CFAP299: variants seen among roughly 807,000 people sequenced by gnomAD.
CFAP299 encodes the protein cilia and flagella associated protein 299, also known as cilia- and flagella-associated protein 299.
Under a neutral mutation model 27.0 loss-of-function variants are expected in CFAP299, and 21 were observed. That is an observed-to-expected ratio of 0.78 (90% confidence interval 0.55 to 1.12). The LOEUF is 1.12. CFAP299 is among the 50% of genes most tolerant of loss of function. The probability of loss-of-function intolerance (pLI) is 0.00; values close to 1 mark genes in which losing one functional copy is unlikely to be tolerated. For synonymous variants in CFAP299, 104 were observed against 98.1 expected, an observed-to-expected ratio of 1.06 and a Z score of -0.36; for missense variants, 310 against 276.6, an observed-to-expected ratio of 1.12 and a Z score of -0.86.
intron 2 of CFAP299, among the ~76,000 whole-genome samples, chr4:80,410,320 A>G (rs1441746047): frequency 6.6e-6 from 1 of 152,190 alleles, no homozygotes; most frequent in East Asian, 1.9e-4. Flanking sequence ...ATAGATAGCC[A>G]TTGCCTTGGA....
At position 80,883,191 on chromosome 4, in the gene CFAP299, T is replaced by C. The variant is rs528476021; in HGVS notation, c.476+13056T>C. The stretch of plus-strand genomic sequence containing the variant: ...AGAAGAAAAGTTGAGAGTTTTTGTA[T>C]GTGATTGAACTTAAGTTCTTATCAT... On this transcript the variant is annotated intron_variant, in intron 4 of 5. Transcript: ENST00000358105. Among the ~76,000 whole-genome samples the C allele has an allele frequency of 1.7e-3, 261 of 152,276 alleles. 3 individuals carry two copies. Among genetic ancestry groups the C allele is most frequent in the African/African-American group, 5.9e-3 (246 of 41,570 alleles).
intron 2 of CFAP299, among the ~76,000 whole-genome samples, chr4:80,450,413 A>C (rs1728841664): frequency 6.6e-6 from 1 of 152,198 alleles, no homozygotes; most frequent in African/African-American, 2.4e-5. Flanking sequence ...ACTTAATATC[A>C]CATTGCTTAG....
At chr4:80,831,467 C>T (rs1730299045) in intron 3 of CFAP299, among the ~76,000 whole-genome samples, 2 of 152,048 alleles carry the variant, frequency 1.3e-5, no homozygotes, top group African/African-American at 4.8e-5. Flanking sequence ...CGAGGCCAAT[C>T]CTATGAGCAA....
At chr4:80,855,278 C>CAATGATATATGATG (rs1243993356) in intron 3 of CFAP299, among the ~76,000 whole-genome samples, 2 of 152,082 alleles carry the variant, frequency 1.3e-5, no homozygotes, top group Admixed American at 1.3e-4. Context: ...GATCTATATT[C>CAATGATATATGATG]ATCACTGTAC....
intron 2 of CFAP299, chr4:80,387,573 C>G: frequency 9.4e-7 from 1 of 1,059,740 alleles, no homozygotes; most frequent in Non-Finnish European, 1.5e-6. Flanking sequence ...TACTGGGGTT[C>G]AGGGCCAAGA....
At chr4:80,827,910 G>A (rs1281064345) in intron 3 of CFAP299, among the ~76,000 whole-genome samples, 3 of 152,022 alleles carry the variant, frequency 2.0e-5, no homozygotes, top group Admixed American at 1.3e-4. Flanking sequence ...TGAACACTGA[G>A]CAATCTGCAA....
At chr4:80,879,000 G>A (rs1320441405) in intron 4 of CFAP299, among the ~76,000 whole-genome samples, 1 of 151,990 alleles carries the variant, frequency 6.6e-6, no homozygotes, top group East Asian at 1.9e-4. Context: ...TATTTCTACT[G>A]TCCTATAGCT....
chr4:80,799,930 ATATAT>A (rs1560417966), intron 3 of CFAP299, among the ~76,000 whole-genome samples: 2 of 48,980 alleles, frequency 4.1e-5, no homozygotes, highest in African/African-American at 1.7e-4. Flanking sequence ...ATATATATTT[ATATAT>A]TATATTATAT....
rs1475252300 is a variant in CFAP299, at chr4:80,598,655, A to G, written c.333+15472A>G. 3.3e-5 allele frequency among the ~76,000 whole-genome samples: 5 copies of G among 152,208 alleles called. No individual in the cohort carries two copies. In the East Asian group the frequency reaches 9.6e-4, roughly 29 times the overall value. The stretch of plus-strand genomic sequence containing the variant: ...ATTCAGGCATTCAACATAGGCAGAT[A>G]TGATAAGAAAGTGACTAATAGCAAA... On this transcript the variant is annotated intron_variant, in intron 3 of 5. Transcript: ENST00000358105.
At chr4:80,734,544 AC>A (rs1189643235) in intron 3 of CFAP299, among the ~76,000 whole-genome samples, 2 of 152,034 alleles carry the variant, frequency 1.3e-5, no homozygotes, top group Non-Finnish European at 2.9e-5. Flanking sequence ...TTTTGCCCAG[AC>A]CAATGTCTTG....
chr4:80,655,229 T>C (rs2109974634), intron 3 of CFAP299, among the ~76,000 whole-genome samples: 1 of 152,282 alleles, frequency 6.6e-6, no homozygotes, highest in African/African-American at 2.4e-5. Flanking sequence ...ATATCGGTTG[T>C]GCATTTACTA....
In CFAP299 at chr4:80,402,244, G is replaced by A. The variant is rs189750690; in HGVS notation, c.242+39360G>A. Among the ~76,000 whole-genome samples, 578 of 152,208 alleles carry A rather than the reference G, an allele frequency of 3.8e-3. 3 individuals are homozygous for A. The highest frequency in any genetic ancestry group is 6.6e-3 in the Non-Finnish European group (447 of 68,012). On this transcript the variant is annotated intron_variant, in intron 2 of 5. Transcript: ENST00000358105. ...GAAGGCATGATTTGTTTTGAAATGT[G>A]AGGAAACGAGATTTGGAGGGGCCAG...
chr4:80,813,477 C>A (rs12642810), intron 3 of CFAP299, among the ~76,000 whole-genome samples: 17,149 of 151,896 alleles, frequency 0.11, 1,209 homozygotes, highest in Middle Eastern at 0.21. Flanking sequence ...CAAAGTAATT[C>A]TTCATATGTA....
At chr4:80,422,390 C>A (rs1727326946) in intron 2 of CFAP299, among the ~76,000 whole-genome samples, 1 of 151,608 alleles carries the variant, frequency 6.6e-6, no homozygotes, top group Admixed American at 6.6e-5. Context: ...AAAAAAAATT[C>A]TTTAGTTTAG....
At chr4:80,940,943 T>C (rs1012305905) in intron 4 of CFAP299, among the ~76,000 whole-genome samples, 5 of 152,174 alleles carry the variant, frequency 3.3e-5, no homozygotes, top group African/African-American at 4.8e-5. Flanking sequence ...AAAATGATCA[T>C]CTAGATAATT....
chr4:80,701,769 T>C (rs1721498073), intron 3 of CFAP299, among the ~76,000 whole-genome samples: 1 of 151,994 alleles, frequency 6.6e-6, no homozygotes, highest in Non-Finnish European at 1.5e-5. Context: ...CCCTATTGAT[T>C]CATACCAGGC....
intron 3 of CFAP299, among the ~76,000 whole-genome samples, chr4:80,747,997 T>G (rs191275986): frequency 6.6e-6 from 1 of 152,208 alleles, no homozygotes. Context: ...ATATCTCTAT[T>G]TAGATGTCTT....
At chr4:80,454,863 G>A (rs968804233) in intron 2 of CFAP299, among the ~76,000 whole-genome samples, 5 of 152,092 alleles carry the variant, frequency 3.3e-5, no homozygotes, top group Non-Finnish European at 7.4e-5. Context: ...AACATGGTGG[G>A]TAGGGGGTTG....
intron 2 of CFAP299, among the ~76,000 whole-genome samples, chr4:80,542,476 G>T (rs1734047087): frequency 6.6e-6 from 1 of 152,150 alleles, no homozygotes; most frequent in African/African-American, 2.4e-5. Context: ...TGAAGGAGGA[G>T]GAAACCAAGA....
Sources: gnomAD v4.1 joint callset for allele counts (sites outside exome capture counted in the v4.1 genomes callset) on GRCh38, gnomAD v4.1.1 for gene constraint, MANE v1.5 for transcripts, NCBI Gene and HGNC (gene_info 2026-07-23, HGNC 2026-07-21) for gene names.